RIT2: variants seen among roughly 807,000 people sequenced by gnomAD.
RIT2 encodes the protein Ras like without CAAX 2, also known as GTP-binding protein Rit2.
In RIT2, 24 loss-of-function variants were observed where a neutral mutation model predicts 23.7. The ratio of observed to expected loss-of-function variants is 1.01; its 90% CI spans 0.73 to 1.43. RIT2 has a LOEUF of 1.43. RIT2 is among the 40% of genes most tolerant of loss of function. RIT2 has a pLI of 0.00. For missense variants in RIT2, 236 were observed against 266.9 expected, an observed-to-expected ratio of 0.88 and a Z score of 0.81; for synonymous variants, 107 against 91.1, an observed-to-expected ratio of 1.17 and a Z score of -0.99.
At chr18:42,997,101 A>G (rs2144236429) in intron 2 of RIT2, among the ~76,000 whole-genome samples, 1 of 152,250 alleles carries the variant, frequency 6.6e-6, no homozygotes, top group East Asian at 1.9e-4. Context: ...CCAGAGCAAA[A>G]GACAAGGACA....
chr18:42,815,662 G>A (rs1185587428), intron 4 of RIT2, among the ~76,000 whole-genome samples: 2 of 152,120 alleles, frequency 1.3e-5, no homozygotes, highest in African/African-American at 4.8e-5. Flanking sequence ...ATAATTTGAT[G>A]AATTTTAGTA....
At chr18:42,794,493 C>T (rs1278706034) in intron 4 of RIT2, among the ~76,000 whole-genome samples, 3 of 152,200 alleles carry the variant, frequency 2.0e-5, no homozygotes, top group Non-Finnish European at 4.4e-5. Flanking sequence ...TTCTACAGTA[C>T]ATCTTCCAAA....
intron 2 of RIT2, among the ~76,000 whole-genome samples, chr18:43,016,366 T>C (rs1301090567): frequency 2.0e-5 from 3 of 151,908 alleles, no homozygotes; most frequent in African/African-American, 4.8e-5. Flanking sequence ...AACAGTTTCA[T>C]TTTTGTTTTT....
At chr18:42,951,066 G>A (rs1038221384) in intron 3 of RIT2, among the ~76,000 whole-genome samples, 1 of 151,850 alleles carries the variant, frequency 6.6e-6, no homozygotes, top group Admixed American at 6.6e-5. Context: ...CCCATTACTG[G>A]GTATATATCA....
At chr18:43,084,046 C>T (rs1357068987) in intron 1 of RIT2, among the ~76,000 whole-genome samples, 1 of 151,884 alleles carries the variant, frequency 6.6e-6, no homozygotes, top group East Asian at 1.9e-4. Flanking sequence ...AAAAAATGCC[C>T]AAACAACCCC....
In RIT2 at chr18:42,896,003, G is replaced by A. The variant is rs114523228; in HGVS notation, c.426+27569C>T. Among the ~76,000 whole-genome samples, 1,110 of 152,246 alleles carry A rather than the reference G, an allele frequency of 7.3e-3. 21 individuals carry two copies. The highest frequency in any genetic ancestry group is 0.024 in the African/African-American group (1,003 of 41,544). On this transcript the variant is annotated intron_variant, in intron 4 of 4. Transcript: ENST00000326695. Reference sequence around the variant, plus strand: ...TGCTGGTACAGTTTTCGTTTTTCACGCCTGTAATCCTGGCACTTTGGGAGG... The same window carrying A: ...TGCTGGTACAGTTTTCGTTTTTCACACCTGTAATCCTGGCACTTTGGGAGG...
At chr18:42,904,100 C>T (rs1216458982) in intron 4 of RIT2, among the ~76,000 whole-genome samples, 1 of 152,020 alleles carries the variant, frequency 6.6e-6, no homozygotes, top group Non-Finnish European at 1.5e-5. Flanking sequence ...GACCCAGGCA[C>T]ATACAAGAAT....
At chr18:42,779,459 G>A (rs550455729) in intron 4 of RIT2, among the ~76,000 whole-genome samples, 73 of 152,200 alleles carry the variant, frequency 4.8e-4, no homozygotes, top group African/African-American at 1.7e-3. Context: ...GCTCACCCCG[G>A]TGGTTAAAAA....
At chr18:42,991,285 T>A (rs1449403723) in intron 2 of RIT2, among the ~76,000 whole-genome samples, 1 of 152,112 alleles carries the variant, frequency 6.6e-6, no homozygotes, top group Non-Finnish European at 1.5e-5. Flanking sequence ...TGGTGCCATG[T>A]GTATTTGAAT....
intron 3 of RIT2, among the ~76,000 whole-genome samples, chr18:42,942,595 G>A (rs1487290884): frequency 2.0e-5 from 3 of 151,986 alleles, no homozygotes; most frequent in Non-Finnish European, 2.9e-5. Context: ...CCATGTCCAC[G>A]TGCGCTTTCT....
chr18:42,860,828 G>T (rs1009795705), intron 4 of RIT2, among the ~76,000 whole-genome samples: 1 of 152,164 alleles, frequency 6.6e-6, no homozygotes, highest in Non-Finnish European at 1.5e-5. Flanking sequence ...GCACAGCCAT[G>T]TTCCTATATT....
intron 3 of RIT2, among the ~76,000 whole-genome samples, chr18:42,952,704 A>C (rs1445191922): frequency 6.6e-6 from 1 of 152,096 alleles, no homozygotes; most frequent in African/African-American, 2.4e-5. Context: ...TGATACTACA[A>C]GTAAAAAATC....
intron 4 of RIT2, among the ~76,000 whole-genome samples, chr18:42,767,734 C>T (rs1330617162): frequency 6.6e-6 from 1 of 152,106 alleles, no homozygotes; most frequent in East Asian, 1.9e-4. Context: ...ACCAGAATTC[C>T]CACATGTTTT....
intron 3 of RIT2, among the ~76,000 whole-genome samples, chr18:42,960,452 T>C (rs1055890814): frequency 1.3e-5 from 2 of 152,132 alleles, no homozygotes; most frequent in Non-Finnish European, 2.9e-5. Context: ...GTAGCTGGGA[T>C]TACAGGTGTC....
intron 1 of RIT2, among the ~76,000 whole-genome samples, chr18:43,038,313 GTTTT>G: frequency 7.3e-6 from 1 of 136,824 alleles, no homozygotes; most frequent in East Asian, 2.1e-4. Context: ...TTGAATCGTG[GTTTT>G]TTTTTTTTTT....
At chr18:42,836,008 A>C (rs1906593261) in intron 4 of RIT2, among the ~76,000 whole-genome samples, 1 of 152,086 alleles carries the variant, frequency 6.6e-6, no homozygotes, top group Admixed American at 6.6e-5. Context: ...GTAATCTTTA[A>C]GTTTCCTTTC....
chr18:43,089,919 C>A (rs1210436958), intron 1 of RIT2, among the ~76,000 whole-genome samples: 1 of 152,042 alleles, frequency 6.6e-6, no homozygotes, highest in East Asian at 1.9e-4. Flanking sequence ...AAATATACAT[C>A]CAAAACTATA....
At chr18:42,891,271 C>T (rs1294100210) in intron 4 of RIT2, among the ~76,000 whole-genome samples, 1 of 152,112 alleles carries the variant, frequency 6.6e-6, no homozygotes, top group African/African-American at 2.4e-5. Context: ...CTTGAAGGTA[C>T]ATCAAACCAT....
intron 4 of RIT2, among the ~76,000 whole-genome samples, chr18:42,846,633 A>T (rs1906916755): frequency 6.6e-6 from 1 of 152,102 alleles, no homozygotes; most frequent in South Asian, 2.1e-4. Context: ...TTGGTTTAAT[A>T]TTCAACAAAA....
Sources: allele counts gnomAD v4.1 joint callset (sites outside exome capture counted in the v4.1 genomes callset), GRCh38; gene constraint gnomAD v4.1.1; transcripts MANE v1.5; gene names NCBI Gene and HGNC (gene_info 2026-07-23, HGNC 2026-07-21).